The following PCDH9 variants were observed in gnomAD, a reference collection of about 807,000 sequenced individuals.
The protein encoded by PCDH9 is protocadherin-9.
PCDH9 carries 24 observed loss-of-function variants against 70.6 expected under a neutral mutation model. The ratio of observed to expected loss-of-function variants is 0.34; its 90% CI spans 0.25 to 0.48. The LOEUF is 0.48. PCDH9 is among the 20% of genes least tolerant of loss of function. PCDH9 has a pLI of 0.99. For missense variants in PCDH9, 1,281 were observed against 1,503.6 expected, an observed-to-expected ratio of 0.85 and a Z score of 2.45; for synonymous variants, 562 against 558.5, an observed-to-expected ratio of 1.01 and a Z score of -0.09.
chr13:66,430,667 G>T (rs1009255378), intron 4 of PCDH9, among the ~76,000 whole-genome samples: 2 of 151,970 alleles, frequency 1.3e-5, no homozygotes, highest in South Asian at 4.2e-4. Flanking sequence ...TTCACTCTGG[G>T]ATAACAGTAA....
rs143720280 is a variant in PCDH9, at chr13:66,889,148, T to C, written c.3138+14356A>G. Among the ~76,000 whole-genome samples, 1,220 of 152,254 alleles carry C rather than the reference T, an allele frequency of 8.0e-3. 16 individuals carry two copies. The highest frequency in any genetic ancestry group is 0.027 in the African/African-American group (1,137 of 41,560). On this transcript the variant is annotated intron_variant, in intron 3 of 4. Transcript: ENST00000377865. Reference sequence around the variant, plus strand: ...GCGAGTAGATAGCTGTAAAGTACTATCGTATTGAGAAAGTAAATGTGGTAA... The same window carrying C: ...GCGAGTAGATAGCTGTAAAGTACTACCGTATTGAGAAAGTAAATGTGGTAA...
chr13:66,623,845 T>G (rs536068367), intron 4 of PCDH9, among the ~76,000 whole-genome samples: 75 of 152,314 alleles, frequency 4.9e-4, no homozygotes, highest in Admixed American at 9.1e-4. Flanking sequence ...TGAATCAAAA[T>G]ATTTACAAGA....
intron 2 of PCDH9, among the ~76,000 whole-genome samples, chr13:67,125,948 A>C (rs1284312710): frequency 6.6e-6 from 1 of 152,112 alleles, no homozygotes; most frequent in South Asian, 2.1e-4. Flanking sequence ...TTAATTGTAT[A>C]CTTTAAATGT....
intron 2 of PCDH9, among the ~76,000 whole-genome samples, chr13:67,127,800 G>A (rs2087017387): frequency 6.6e-6 from 1 of 151,768 alleles, no homozygotes; most frequent in Admixed American, 6.6e-5. Flanking sequence ...AGCAACTCAT[G>A]TCATCTGTTG....
At chr13:66,637,913 CAA>C (rs10716518) in intron 3 of PCDH9, among the ~76,000 whole-genome samples, 142 of 137,328 alleles carry the variant, frequency 1.0e-3, no homozygotes, top group Non-Finnish European at 1.1e-3. Flanking sequence ...GACTCCTTCT[CAA>C]AAAAAAAAAA....
At chr13:67,100,375 A>T (rs188153849) in intron 2 of PCDH9, among the ~76,000 whole-genome samples, 1 of 152,288 alleles carries the variant, frequency 6.6e-6, no homozygotes, top group Admixed American at 6.5e-5. Flanking sequence ...AAAAAGAAAA[A>T]CTACTTGGAG....
intron 4 of PCDH9, among the ~76,000 whole-genome samples, chr13:66,559,799 CAAA>C (rs71205593): frequency 7.8e-4 from 8 of 10,262 alleles, no homozygotes; most frequent in East Asian, 3.5e-3. Flanking sequence ...GACTCCATCT[CAAA>C]AAAAAAAAAA....
intron 2 of PCDH9, chr13:67,211,811 A>G (rs1305763802): frequency 6.6e-6 from 1 of 152,116 alleles, no homozygotes; most frequent in African/African-American, 2.4e-5. Flanking sequence ...AGCCAATTAA[A>G]CCAAACATTT....
At chr13:66,577,471 A>G (rs969357260) in intron 4 of PCDH9, among the ~76,000 whole-genome samples, 5 of 151,978 alleles carry the variant, frequency 3.3e-5, no homozygotes, top group Non-Finnish European at 5.9e-5. Context: ...TATGAACTCT[A>G]TATTTGGAGC....
intron 4 of PCDH9, among the ~76,000 whole-genome samples, chr13:66,404,190 C>T (rs1957239354): frequency 6.6e-6 from 1 of 152,162 alleles, no homozygotes; most frequent in Admixed American, 6.5e-5. Flanking sequence ...AATAGAGGCA[C>T]TGCTTACTCC....
chr13:66,753,440 C>T (rs1231774628), intron 3 of PCDH9, among the ~76,000 whole-genome samples: 1 of 152,096 alleles, frequency 6.6e-6, no homozygotes, highest in Non-Finnish European at 1.5e-5. Flanking sequence ...CATATCAAAA[C>T]ATCACTATGG....
At chr13:66,732,551 G>T (rs995535615) in intron 3 of PCDH9, among the ~76,000 whole-genome samples, 1 of 151,942 alleles carries the variant, frequency 6.6e-6, no homozygotes, top group Non-Finnish European at 1.5e-5. Context: ...TACAAAATAA[G>T]ATTATTTCCC....
intron 4 of PCDH9, among the ~76,000 whole-genome samples, chr13:66,506,243 C>T (rs1697311399): frequency 6.6e-6 from 1 of 152,080 alleles, no homozygotes; most frequent in African/African-American, 2.4e-5. Context: ...TTCACATTGT[C>T]TTTTATGGGC....
At chr13:67,024,016 TAAC>T (rs1330980399) in intron 2 of PCDH9, among the ~76,000 whole-genome samples, 1 of 151,976 alleles carries the variant, frequency 6.6e-6, no homozygotes, top group Non-Finnish European at 1.5e-5. Context: ...GGAGAAATAG[TAAC>T]AACAGTAGCT....
At chr13:66,855,125 A>G (rs2081374053) in intron 3 of PCDH9, among the ~76,000 whole-genome samples, 1 of 152,102 alleles carries the variant, frequency 6.6e-6, no homozygotes, top group Non-Finnish European at 1.5e-5. Context: ...TGAGGAAATT[A>G]TAAAAGGTGT....
chr13:66,687,124 G>A (rs776919009), intron 3 of PCDH9, among the ~76,000 whole-genome samples: 1 of 152,124 alleles, frequency 6.6e-6, no homozygotes, highest in African/African-American at 2.4e-5. Flanking sequence ...AGTTATTCCT[G>A]TGTGATAATC....
intron 4 of PCDH9, among the ~76,000 whole-genome samples, chr13:66,377,801 T>C (rs1187570625): frequency 1.3e-5 from 2 of 152,222 alleles, no homozygotes; most frequent in African/African-American, 4.8e-5. Context: ...TAGAGCTAAC[T>C]GATAAAATTC....
At chr13:66,786,769 T>C (rs917172467) in intron 3 of PCDH9, among the ~76,000 whole-genome samples, 5 of 152,128 alleles carry the variant, frequency 3.3e-5, no homozygotes, top group Admixed American at 3.3e-4. Context: ...CCCTGACAAT[T>C]AAGACAGACA....
At chr13:67,158,098 A>T (rs1426846776) in intron 2 of PCDH9, among the ~76,000 whole-genome samples, 1 of 152,220 alleles carries the variant, frequency 6.6e-6, no homozygotes, top group African/African-American at 2.4e-5. Flanking sequence ...TCTTTAGTAC[A>T]TCACATGCAA....
Sources: allele counts gnomAD v4.1 joint callset (sites outside exome capture counted in the v4.1 genomes callset), GRCh38; gene constraint gnomAD v4.1.1; transcripts MANE v1.5; gene names NCBI Gene and HGNC (gene_info 2026-07-23, HGNC 2026-07-21).